Variants in DNAH7 observed in about 807,000 individuals in gnomAD.
The protein encoded by DNAH7 is dynein axonemal heavy chain 7.
A neutral mutation model predicts 444.6 loss-of-function variants in DNAH7; 397 were observed. The ratio of observed to expected loss-of-function variants is 0.89; its 90% confidence interval spans 0.82 to 0.97. DNAH7 has a LOEUF of 0.97. DNAH7 is among the 50% of genes least tolerant of loss of function. DNAH7 has a pLI of 0.00. For missense variants in DNAH7, 4,902 were observed against 4,800.8 expected (o/e 1.02, Z -0.62); for synonymous variants, 1,636 against 1,624.4 (o/e 1.01, Z -0.17).
chr2:196,040,715 T>C (rs1212589661), intron 5 of DNAH7, among the ~76,000 whole-genome samples: 1 of 152,122 alleles, frequency 6.6e-6, no homozygotes, highest in African/African-American at 2.4e-5. Flanking sequence ...CCAGAAGTCT[T>C]AGCCAGAGCA....
chr2:195,907,770 T>C (rs1687119408), intron 25 of DNAH7, among the ~76,000 whole-genome samples: 2 of 152,142 alleles, frequency 1.3e-5, no homozygotes, highest in Admixed American at 1.3e-4. Context: ...TTATAGCAGC[T>C]GACCTTGGAT....
chr2:196,054,274 A>G (rs1697664660), intron 2 of DNAH7, among the ~76,000 whole-genome samples: 1 of 152,200 alleles, frequency 6.6e-6, no homozygotes, highest in Middle Eastern at 3.2e-3. Context: ...TAATCCTAGC[A>G]CTTTGGGAGG....
chr2:195,849,321 C>CCTA (rs1325990454), intron 46 of DNAH7, among the ~76,000 whole-genome samples: 1 of 152,190 alleles, frequency 6.6e-6, no homozygotes, highest in Non-Finnish European at 1.5e-5. Flanking sequence ...AGATAATCTT[C>CCTA]CTACTTTAAG....
At chr2:195,966,968 A>G (rs946403463) in intron 17 of DNAH7, among the ~76,000 whole-genome samples, 2 of 152,126 alleles carry the variant, frequency 1.3e-5, no homozygotes, top group Admixed American at 1.3e-4. Flanking sequence ...TATTATTGAT[A>G]AGTAAGGAGT....
intron 54 of DNAH7, among the ~76,000 whole-genome samples, chr2:195,804,487 C>T (rs1019937128): frequency 6.6e-6 from 1 of 152,176 alleles, no homozygotes; most frequent in Non-Finnish European, 1.5e-5. Flanking sequence ...CCACGATAGA[C>T]TGAGTTTAGC....
chr2:196,027,583 T>A (rs913484445), intron 6 of DNAH7, among the ~76,000 whole-genome samples: 2 of 152,068 alleles, frequency 1.3e-5, no homozygotes, highest in African/African-American at 4.8e-5. Context: ...TTTTAAAAAA[T>A]TATTATGTAT....
At chr2:195,902,941 T>G (rs1686797873) in intron 27 of DNAH7, 1 of 152,200 alleles carries the variant, frequency 6.6e-6, no homozygotes, top group African/African-American at 2.4e-5. Context: ...GCAGTAAGTT[T>G]GAAGATAATT....
chr2:196,059,100 T>C (rs1697993529), intron 1 of DNAH7, among the ~76,000 whole-genome samples: 1 of 152,250 alleles, frequency 6.6e-6, no homozygotes, highest in African/African-American at 2.4e-5. Context: ...TCTGGAAGTC[T>C]GTCTGAATCT....
intron 40 of DNAH7, among the ~76,000 whole-genome samples, chr2:195,867,741 T>C (rs1042050269): frequency 7.9e-5 from 12 of 152,216 alleles, no homozygotes; most frequent in Non-Finnish European, 1.6e-4. Flanking sequence ...TAGGTTCATC[T>C]ATGTTGTAGG....
chr2:196,032,448 C>T (rs1476819295), intron 5 of DNAH7, among the ~76,000 whole-genome samples: 1 of 152,112 alleles, frequency 6.6e-6, no homozygotes, highest in Non-Finnish European at 1.5e-5. Context: ...TCAGGGTTGG[C>T]AGATACCAAA....
chr2:196,015,354 G>A (rs1444753174), intron 9 of DNAH7, among the ~76,000 whole-genome samples: 1 of 151,850 alleles, frequency 6.6e-6, no homozygotes, highest in Non-Finnish European at 1.5e-5. Flanking sequence ...ATCAATTATA[G>A]TGTTCTTATC....
intron 19 of DNAH7, among the ~76,000 whole-genome samples, chr2:195,944,798 C>G (rs773019546): frequency 6.6e-6 from 1 of 152,070 alleles, no homozygotes; most frequent in Non-Finnish European, 1.5e-5. Context: ...TTTCTGACCA[C>G]ATCTTGAGCA....
At chr2:195,907,740 T>C (rs574485489) in intron 25 of DNAH7, among the ~76,000 whole-genome samples, 24 of 152,260 alleles carry the variant, frequency 1.6e-4, no homozygotes, top group Non-Finnish European at 2.6e-4. Flanking sequence ...TGTTAAATAA[T>C]TAGCACAAAG....
rs1694024667 is a variant in DNAH7 at position 195,755,435 on chromosome 2, A to G, written c.11586+698T>C. On this transcript the variant is annotated intron_variant, in intron 62 of 64. Transcript: ENST00000312428. ...ACTAGATAGTAAATTAGAGAAGCCA[A>G]TCTGAAGAAATGAGTTTGAAAAGCT... Among the ~76,000 whole-genome samples, 3 of 152,226 alleles carry G rather than the reference A, an allele frequency of 2.0e-5. No homozygotes were observed. The South Asian group carries it at 6.2e-4, about 32-fold the overall frequency.
At chr2:195,990,291 T>C (rs1028572863) in intron 12 of DNAH7, among the ~76,000 whole-genome samples, 1 of 152,160 alleles carries the variant, frequency 6.6e-6, no homozygotes, top group Non-Finnish European at 1.5e-5. Flanking sequence ...TTTCTGTATG[T>C]GGATATCCAA....
Position 195,817,836 on chromosome 2 carries a change from A to G in DNAH7, c.9292-7T>C, listed in dbSNP as rs751568366. 1.9e-6 allele frequency: 3 copies of G among 1,552,886 alleles called. No homozygotes were observed. In the African/African-American group the frequency reaches 4.2e-5, roughly 22 times the overall value. Reference sequence around the variant, plus strand: ...TGAAGTTTAATAATGTTACCTATAAATGAAAAAATATACAAAAATTACATC... The same window carrying G: ...TGAAGTTTAATAATGTTACCTATAAGTGAAAAAATATACAAAAATTACATC... On this transcript the variant is annotated splice_region_variant and splice_polypyrimidine_tract_variant and intron_variant, in intron 49 of 64. Coordinates refer to ENST00000312428, the MANE Select transcript of DNAH7 (RefSeq NM_018897.3).
chr2:195,755,641 T>C (rs1042612447), intron 62 of DNAH7, among the ~76,000 whole-genome samples: 1 of 152,210 alleles, frequency 6.6e-6, no homozygotes, highest in Non-Finnish European at 1.5e-5. Context: ...AGGAAATTAA[T>C]CAATATTTCT....
intron 48 of DNAH7, among the ~76,000 whole-genome samples, chr2:195,832,928 C>T (rs539877658): frequency 6.6e-6 from 1 of 152,208 alleles, no homozygotes; most frequent in African/African-American, 2.4e-5. Context: ...ATCCAACATA[C>T]AGTAATTTAT....
intron 16 of DNAH7, 102 bp from the exon 17 acceptor site, chr2:195,970,196 G>A: frequency 9.1e-7 from 1 of 1,098,110 alleles, no homozygotes; most frequent in Non-Finnish European, 1.3e-6. Context: ...ATTATATTTT[G>A]TCACTGGTAA....
Sources: allele counts gnomAD v4.1 joint callset (sites outside exome capture counted in the v4.1 genomes callset), GRCh38; gene constraint gnomAD v4.1.1; transcripts MANE v1.5; gene names NCBI Gene and HGNC (gene_info 2026-07-23, HGNC 2026-07-21).